The following JOSD2 variants were observed in gnomAD, a reference collection of about 807,000 sequenced individuals.
JOSD2 encodes the protein josephin-2.
JOSD2 carries 20 observed loss-of-function variants against 19.3 expected under a neutral mutation model. The ratio of observed to expected loss-of-function variants is 1.04; its 90% CI spans 0.73 to 1.51. The LOEUF (loss-of-function observed/expected upper bound fraction) is 1.51, where lower values mean the gene tolerates loss of function less well. Among genes scored for constraint, JOSD2 ranks in the 40% most tolerant of loss-of-function variants. JOSD2 has a pLI of 0.00. For synonymous variants in JOSD2, 118 were observed against 123.7 expected (o/e 0.95, Z 0.31); for missense variants, 215 against 250.4 (o/e 0.86, Z 0.95).
Position 50,507,693 on chromosome 19 carries a change from G to A in JOSD2, c.153C>T (p.Ala51=), listed in dbSNP as rs748325306. 1.9e-6 allele frequency: 3 copies of A among 1,610,784 alleles called. No individual in the cohort carries two copies. Among genetic ancestry groups the A allele is most frequent in the African/African-American group, 2.7e-5 (2 of 74,894 alleles). Residue 51 remains alanine (A), a synonymous_variant, in exon 3 of 5, where the codon GCC becomes GCT. Coordinates refer to ENST00000598418, the MANE Select transcript of JOSD2 (RefSeq NM_001270639.2). ...GATGAGGGTTCAGCCGGGAGTCTGG[G>A]GCCAACCTGGTAGTGGGGGTGGCCA... ...EAADEICKRL[A]PDSRLNPHRS...
At chr19:50,510,117 G>T in intron 2 of JOSD2, 169 bp downstream of exon 2, 1 of 651,152 alleles carries the variant, frequency 1.5e-6, no homozygotes, top group Non-Finnish European at 2.6e-6. Flanking sequence ...CACAGGGACA[G>T]ACAGGCACAG....
intron 3 of JOSD2, 124 bp downstream of exon 3, chr19:50,507,450 C>T (rs1304609617): frequency 2.9e-6 from 4 of 1,356,320 alleles, no homozygotes; most frequent in Non-Finnish European, 4.0e-6. Flanking sequence ...CCATCAGTGC[C>T]AGGCTTCCCA....
At chr19:50,510,613 G>A (rs898512923) in intron 1 of JOSD2, among the ~76,000 whole-genome samples, 165 bp from the exon 2 acceptor site, 1 of 152,078 alleles carries the variant, frequency 6.6e-6, no homozygotes, top group South Asian at 2.1e-4. Context: ...GGCAGCACAC[G>A]TCCCTCCATC....
rs1979312736 is a variant in JOSD2, at chr19:50,506,137, AG to A, written c.*35del. Reference sequence around the variant, plus strand: ...TGTGCGCAGCCGGAGGGGGATGCGCAGGGACTGCGCTGTGGGCGCCGATGGT... The same window carrying A: ...TGTGCGCAGCCGGAGGGGGATGCGCAGGACTGCGCTGTGGGCGCCGATGGT... On this transcript the variant is annotated 3_prime_UTR_variant, in exon 5 of 5. Coordinates refer to ENST00000598418, the MANE Select transcript of JOSD2 (RefSeq NM_001270639.2). The A allele has an allele frequency of 6.3e-7, 1 of 1,595,904 alleles. No individual in the cohort carries two copies. The highest frequency in any genetic ancestry group is 1.1e-5 in the South Asian group (1 of 90,274).
At chr19:50,508,594 G>C (rs1409437007) in intron 2 of JOSD2, among the ~76,000 whole-genome samples, 2 of 151,460 alleles carry the variant, frequency 1.3e-5, no homozygotes, top group South Asian at 4.2e-4. Flanking sequence ...GCCTAGGAAG[G>C]CTCTTCCGCC....
chr19:50,506,613 C>A, intron 3 of JOSD2, 41 bp from the exon 4 acceptor site: 1 of 1,450,596 alleles, frequency 6.9e-7, no homozygotes, highest in Non-Finnish European at 9.1e-7. Flanking sequence ...AGGGCCTGCT[C>A]CGCCCGCCGG....
intron 2 of JOSD2, among the ~76,000 whole-genome samples, chr19:50,509,176 C>T (rs1041493654): frequency 5.4e-5 from 8 of 146,848 alleles, no homozygotes; most frequent in Admixed American, 4.9e-4. Context: ...CTCCCAGCTT[C>T]AAGCAATTCT....
chr19:50,510,138 C>T, intron 2 of JOSD2, 148 bp downstream of exon 2: 1 of 838,706 alleles, frequency 1.2e-6, no homozygotes, highest in Non-Finnish European at 1.8e-6. Flanking sequence ...GAGGCAACAT[C>T]TCCCCAGAGT....
chr19:50,510,962 G>C, intron 1 of JOSD2, 155 bp downstream of exon 1: 1 of 389,976 alleles, frequency 2.6e-6, no homozygotes, highest in Non-Finnish European at 5.2e-6. Flanking sequence ...CTTGTCACCT[G>C]GCAACGGGGC....
In JOSD2 at chr19:50,510,356, C is replaced by A. The variant is rs775515180; in HGVS notation, c.76G>T (p.Val26Phe). The change falls in exon 2 of 5, where the codon GTC becomes TTC. Residue 26 changes from valine (V) to phenylalanine (F), a missense_variant. Transcript: ENST00000598418. ...HERQRLELCA[V>F]HALNNVLQQQ... Reference sequence around the variant, plus strand: ...TGCAGAACGTTGTTGAGGGCGTGGACAGCACACAGCTCCAGGCGCTGCCGT... The same window carrying A: ...TGCAGAACGTTGTTGAGGGCGTGGAAAGCACACAGCTCCAGGCGCTGCCGT... 1 of 1,613,582 alleles carries A rather than the reference C, an allele frequency of 6.2e-7. No individual in the cohort carries two copies. Among genetic ancestry groups the A allele is most frequent in the Non-Finnish European group, 8.5e-7 (1 of 1,179,996 alleles).
chr19:50,510,479 G>T, intron 1 of JOSD2, 31 bp from the exon 2 acceptor site: 1 of 1,561,250 alleles, frequency 6.4e-7, no homozygotes. Context: ...AAGGTCCTCA[G>T]GGGCCCGGGA....
chr19:50,507,830 C>T (rs1323695989), intron 2 of JOSD2, 131 bp from the exon 3 acceptor site: 1 of 1,158,426 alleles, frequency 8.6e-7, no homozygotes, highest in African/African-American at 1.5e-5. Flanking sequence ...ACTCATCCAC[C>T]CCCAAGTCCT....
chr19:50,507,253 C>T (rs527622822), intron 3 of JOSD2, among the ~76,000 whole-genome samples: 4 of 151,276 alleles, frequency 2.6e-5, no homozygotes, highest in African/African-American at 4.9e-5. Context: ...ACTGGCCAGC[C>T]GGCCATCAAA....
At chr19:50,509,589 G>A (rs924493875) in intron 2 of JOSD2, among the ~76,000 whole-genome samples, 4 of 152,172 alleles carry the variant, frequency 2.6e-5, no homozygotes, top group Admixed American at 6.5e-5. Context: ...CTATGAGGAG[G>A]GCCCTGAGTA....
At chr19:50,506,917 T>C (rs1979396808) in intron 3 of JOSD2, among the ~76,000 whole-genome samples, 1 of 148,310 alleles carries the variant, frequency 6.7e-6, no homozygotes, top group African/African-American at 2.5e-5. Context: ...CCACCCAGGA[T>C]CCATGCATGA....
At chr19:50,507,773 GCCA>G (rs1979472852) in intron 2 of JOSD2, 74 bp from the exon 3 acceptor site, 1 of 1,535,068 alleles carries the variant, frequency 6.5e-7, no homozygotes, top group Non-Finnish European at 8.8e-7. Context: ...GGTCCCAGGG[GCCA>G]CAAGTTGCCT....
At chr19:50,510,978 C>A (rs914746348) in intron 1 of JOSD2, 139 bp downstream of exon 1, 8 of 404,208 alleles carry the variant, frequency 2.0e-5, no homozygotes, top group Non-Finnish European at 3.0e-5. Flanking sequence ...GGGGCCCCCT[C>A]CCCAGTCACT....
chr19:50,510,064 A>AAAAAAAAAAAG, intron 2 of JOSD2: 1 of 464,222 alleles, frequency 2.2e-6, no homozygotes, highest in South Asian at 2.5e-5. Flanking sequence ...AAAAAAAAAA[A>AAAAAAAAAAAG]AAAGAAAGAA....
chr19:50,510,443 C>T lies in JOSD2; in HGVS notation c.-12G>A, dbSNP rs1251825636. On this transcript the variant is annotated 5_prime_UTR_variant, in exon 2 of 5. Transcript: ENST00000598418. ...GGGGCCTGGGACATGCCGTCCTCGG[C>T]TCCTGCTGGGGGTTGGGAGGGGGAG... 7 of 1,599,962 alleles carry T rather than the reference C, an allele frequency of 4.4e-6. No individual in the cohort carries two copies. The highest frequency in any genetic ancestry group is 1.1e-5 in the South Asian group (1 of 90,718).
Sources: gnomAD v4.1 joint callset for allele counts (sites outside exome capture counted in the v4.1 genomes callset) on GRCh38, gnomAD v4.1.1 for gene constraint, MANE v1.5 for transcripts, NCBI Gene and HGNC (gene_info 2026-07-23, HGNC 2026-07-21) for gene names.